ATP5MG: variants seen among roughly 807,000 people sequenced by gnomAD.
ATP5MG encodes the protein ATP synthase membrane subunit g, also known as ATP synthase F(0) complex subunit g, mitochondrial.
A neutral mutation model predicts 12.7 loss-of-function variants in ATP5MG; 7 were observed. That is an observed-to-expected ratio of 0.55 (90% CI 0.31 to 1.04). The LOEUF (loss-of-function observed/expected upper bound fraction) is 1.04, where lower values mean the gene tolerates loss of function less well. Among genes scored for constraint, ATP5MG ranks in the 50% least tolerant of loss-of-function variants. The pLI, the probability that ATP5MG is intolerant of heterozygous loss-of-function variation, is 0.05. For missense variants in ATP5MG, 116 were observed against 126.7 expected (o/e 0.92, Z 0.41); for synonymous variants, 53 against 48.2 (o/e 1.10, Z -0.41).
At chr11:118,407,189 CA>C in intron 2 of ATP5MG, 92 bp downstream of exon 2, 1 of 1,538,700 alleles carries the variant, frequency 6.5e-7, no homozygotes, top group Non-Finnish European at 8.8e-7. Context: ...TATATGTTTC[CA>C]ATGAGGCTGA....
At chr11:118,407,349 G>C (rs1948981823) in intron 2 of ATP5MG, 1 of 475,846 alleles carries the variant, frequency 2.1e-6, no homozygotes, top group Non-Finnish European at 3.6e-6. Flanking sequence ...TTTTTATTGG[G>C]AAATTTTTTT....
At position 118,409,143 on chromosome 11, in the gene ATP5MG, T is replaced by A; in HGVS notation, c.*45T>A. ...GATTATATTTGATTTATTATTTGAG[T>A]GTTGTTGGACCATGTGTGATCAGAC... On this transcript the variant is annotated 3_prime_UTR_variant, in exon 3 of 3. Transcript: ENST00000300688. The A allele has an allele frequency of 7.1e-7, 1 of 1,402,806 alleles. No individual in the cohort carries two copies. The highest frequency in any genetic ancestry group is 9.8e-7 in the Non-Finnish European group (1 of 1,015,766). 86.9% of individuals were successfully genotyped at this position (1,402,806 alleles called of 1,614,324 possible).
chr11:118,402,696 CTTTTT>C lies in ATP5MG; in HGVS notation c.52+993_52+997del, dbSNP rs782335353. Among the ~76,000 whole-genome samples, 18 of 128,190 alleles carry C rather than the reference CTTTTT, an allele frequency of 1.4e-4. No individual in the cohort carries two copies. In the East Asian group the frequency reaches 2.3e-3, roughly 16 times the overall value. 84.1% of individuals were successfully genotyped at this position (128,190 alleles called of 152,430 possible). A position where few individuals can be genotyped will look rare whatever the true frequency, so the allele number is the denominator to read the frequency against. On this transcript the variant is annotated intron_variant, in intron 1 of 2. Coordinates refer to ENST00000300688, the MANE Select transcript of ATP5MG (RefSeq NM_006476.5). ...TTGGGTATTTTCTTTTTCTTTCTTT[CTTTTT>C]TTTTTTTTTTTTTCCTAGAAGACAG... is the stretch of plus-strand genomic sequence containing the variant.
intron 2 of ATP5MG, chr11:118,407,348 G>C (rs1948981800): frequency 2.1e-6 from 1 of 475,196 alleles, no homozygotes; most frequent in African/African-American, 2.0e-5. Flanking sequence ...ATTTTTATTG[G>C]GAAATTTTTT....
intron 1 of ATP5MG, 97 bp downstream of exon 1, chr11:118,401,814 C>G (rs1054827138): frequency 1.4e-6 from 2 of 1,431,604 alleles, no homozygotes; most frequent in Non-Finnish European, 1.9e-6. Context: ...ACCCGAGGGG[C>G]CTGCGGGTGC....
At position 118,403,461 on chromosome 11, in the gene ATP5MG, A is replaced by G. The variant is rs534458079; in HGVS notation, c.52+1744A>G. 1.3e-4 allele frequency among the ~76,000 whole-genome samples: 19 copies of G among 151,534 alleles called. 2 individuals are homozygous for G. The South Asian group carries it at 3.9e-3, about 31-fold the overall frequency. On this transcript the variant is annotated intron_variant, in intron 1 of 2. Transcript: ENST00000300688. Reference sequence around the variant, plus strand: ...CAGTGAGTCAGGATTGCACCACTGCATTCCAGCCTGGGCGACGAAGCGAGG... The same window carrying G: ...CAGTGAGTCAGGATTGCACCACTGCGTTCCAGCCTGGGCGACGAAGCGAGG...
chr11:118,407,129 A>G (rs202019744), intron 2 of ATP5MG, 32 bp downstream of exon 2: 4 of 1,612,426 alleles, frequency 2.5e-6, no homozygotes, highest in Admixed American at 1.7e-5. Context: ...ACGGATGTGC[A>G]TAACAGAAAA....
At chr11:118,401,847 G>A in intron 1 of ATP5MG, 130 bp downstream of exon 1, 2 of 1,095,660 alleles carry the variant, frequency 1.8e-6, no homozygotes, top group Non-Finnish European at 2.6e-6. Context: ...GCCTGCAGGT[G>A]GAGGGAGCAG....
At chr11:118,407,183 T>C in intron 2 of ATP5MG, 86 bp downstream of exon 2, 1 of 1,552,402 alleles carries the variant, frequency 6.4e-7, no homozygotes, top group East Asian at 2.4e-5. Context: ...TTAATATATA[T>C]GTTTCCAATG....
intron 1 of ATP5MG, among the ~76,000 whole-genome samples, chr11:118,405,438 T>C (rs1480593316): frequency 6.6e-6 from 1 of 152,224 alleles, no homozygotes; most frequent in Non-Finnish European, 1.5e-5. Context: ...TCCCATTATC[T>C]ACCATTCATT....
intron 1 of ATP5MG, 56 bp downstream of exon 1, chr11:118,401,773 A>C (rs1178594273): frequency 3.1e-6 from 5 of 1,588,234 alleles, no homozygotes; most frequent in Non-Finnish European, 3.4e-6. Context: ...GAGGCCTGCG[A>C]TGGCCTGAGA....
chr11:118,403,730 T>C (rs782244279), intron 1 of ATP5MG, among the ~76,000 whole-genome samples: 1 of 149,910 alleles, frequency 6.7e-6, no homozygotes, highest in Non-Finnish European at 1.5e-5. Context: ...GAGGCGGAGG[T>C]TGCAGTGAGC....
In ATP5MG at chr11:118,401,630, G is replaced by T; in HGVS notation, c.-36G>T. ...TCCTTCCGGCGGGTGACATTCAGCCGGCGGTTCGGGGCGACGGACTCTCCA... is the reference window on the plus strand; with the variant it reads ...TCCTTCCGGCGGGTGACATTCAGCCTGCGGTTCGGGGCGACGGACTCTCCA... On this transcript the variant is annotated 5_prime_UTR_variant, in exon 1 of 3. Coordinates refer to ENST00000300688, the MANE Select transcript of ATP5MG (RefSeq NM_006476.5). 6.2e-7 allele frequency: 1 copy of T among 1,613,680 alleles called. No homozygotes were observed. Among genetic ancestry groups the T allele is most frequent in the South Asian group, 1.1e-5 (1 of 91,042 alleles).
At chr11:118,408,646 C>T (rs936070434) in intron 2 of ATP5MG, among the ~76,000 whole-genome samples, 2 of 152,156 alleles carry the variant, frequency 1.3e-5, no homozygotes, top group African/African-American at 4.8e-5. Context: ...GCCATCCTAT[C>T]TAAATGCGCC....
At chr11:118,408,119 G>A (rs922668424) in intron 2 of ATP5MG, among the ~76,000 whole-genome samples, 6 of 151,812 alleles carry the variant, frequency 4.0e-5, no homozygotes, top group African/African-American at 9.7e-5. Context: ...CCGAGATCGC[G>A]CCACTGCACT....
chr11:118,407,140 T>C, intron 2 of ATP5MG, 43 bp downstream of exon 2: 2 of 1,609,808 alleles, frequency 1.2e-6, no homozygotes, highest in South Asian at 1.1e-5. Context: ...TAACAGAAAA[T>C]GTCTTCCCTT....
At chr11:118,407,594 C>T (rs1335204053) in intron 2 of ATP5MG, 1 of 159,132 alleles carries the variant, frequency 6.3e-6, no homozygotes, top group Non-Finnish European at 1.4e-5. Context: ...CAGCCATACG[C>T]AGTCACTTCC....
intron 2 of ATP5MG, among the ~76,000 whole-genome samples, chr11:118,407,933 C>T (rs1033287857): frequency 3.3e-5 from 5 of 152,164 alleles, no homozygotes; most frequent in East Asian, 1.9e-4. Context: ...GAGGCCGAGG[C>T]GGGCAGATCA....
At position 118,407,032 on chromosome 11, in the gene ATP5MG, A is replaced by G; in HGVS notation, c.148A>G (p.Ile50Val). 6.2e-7 allele frequency: 1 copy of G among 1,614,126 alleles called. No individual in the cohort carries two copies. Among genetic ancestry groups the G allele is most frequent in the African/African-American group, 1.3e-5 (1 of 75,058 alleles). ...PPTPAEIPRAIQSLKKIVNSA... is the reference protein window; with the variant it reads ...PPTPAEIPRAVQSLKKIVNSA... ...CACCCCTGCTGAGATCCCTAGAGCT[A>G]TTCAGAGCCTGAAAAAAATAGTCAA... The change falls in exon 2 of 3, where the codon ATT becomes GTT. Residue 50 changes from isoleucine to valine, a missense_variant. Physicochemically the swap from Ile to Val is conservative, Grantham distance 29. Transcript: ENST00000300688.
Sources: gnomAD v4.1 joint callset for allele counts (sites outside exome capture counted in the v4.1 genomes callset) on GRCh38, gnomAD v4.1.1 for gene constraint, MANE v1.5 for transcripts, NCBI Gene and HGNC (gene_info 2026-07-23, HGNC 2026-07-21) for gene names.